MSH3: variants seen among roughly 807,000 people sequenced by gnomAD.
The protein encoded by MSH3 is mutS homolog 3.
Under a neutral mutation model 123.3 loss-of-function variants are expected in MSH3, and 106 were observed. That is an observed-to-expected ratio of 0.86 (90% CI 0.73 to 1.01). MSH3 has a LOEUF of 1.01. Among genes scored for constraint, MSH3 ranks in the 50% least tolerant of loss-of-function variants. The pLI is 0.00. For synonymous variants in MSH3, 515 were observed against 481.4 expected (o/e 1.07, Z -0.91); for missense variants, 1,459 against 1,347.6 (o/e 1.08, Z -1.29).
At position 80,762,825 on chromosome 5, in the gene MSH3, G is replaced by GTTATGTTATT. The variant is rs1554072043; in HGVS notation, c.1896+1162_1896+1171dup. 0.16 allele frequency among the ~76,000 whole-genome samples: 22,079 copies of GTTATGTTATT among 140,048 alleles called. 2,258 individuals carry two copies. Among genetic ancestry groups the GTTATGTTATT allele is most frequent in the East Asian group, 0.28 (1,307 of 4,688 alleles). The allele number at this position is 140,048 out of a possible 152,430, so 91.9% of individuals were successfully genotyped here. A position where few individuals can be genotyped will look rare whatever the true frequency, so the allele number is the denominator to read the frequency against. On this transcript the variant is annotated intron_variant, in intron 13 of 23. Transcript: ENST00000265081. ...GTTATGTTATGTTATGTTATGTTAT[G>GTTATGTTATT]TTATGTTATTTTATGTTATTTTATT...
chr5:80,825,024 T>C (rs771677710), intron 20 of MSH3, among the ~76,000 whole-genome samples: 3 of 152,176 alleles, frequency 2.0e-5, no homozygotes, highest in Non-Finnish European at 4.4e-5. Context: ...ATTTTATCCC[T>C]AGGATATAAT....
At chr5:80,776,911 A>AATATATAT (rs1300433748) in intron 16 of MSH3, among the ~76,000 whole-genome samples, 29 of 141,034 alleles carry the variant, frequency 2.1e-4, no homozygotes, top group African/African-American at 3.1e-4. Flanking sequence ...ATATAATACA[A>AATATATAT]ATATATATAT....
intron 19 of MSH3, among the ~76,000 whole-genome samples, chr5:80,798,298 G>A (rs1350526575): frequency 3.9e-5 from 6 of 152,098 alleles, no homozygotes; most frequent in South Asian, 2.1e-4. Context: ...CATTAGCTCC[G>A]CATGTGGTAT....
At chr5:80,719,049 A>ATT (rs531631510) in intron 8 of MSH3, among the ~76,000 whole-genome samples, 8 of 138,876 alleles carry the variant, frequency 5.8e-5, no homozygotes, top group South Asian at 2.3e-4. Context: ...AGGAAATGGT[A>ATT]TTTTTTTTTT....
chr5:80,699,101 C>G (rs976084780), intron 8 of MSH3, among the ~76,000 whole-genome samples: 1 of 152,092 alleles, frequency 6.6e-6, no homozygotes, highest in South Asian at 2.1e-4. Context: ...CCTAGTGACC[C>G]TTTGTGTACC....
intron 8 of MSH3, among the ~76,000 whole-genome samples, chr5:80,708,855 A>G (rs1580576847): frequency 6.6e-6 from 1 of 151,526 alleles, no homozygotes. Flanking sequence ...ATTCACTTCA[A>G]CCTCCGCCTC....
chr5:80,732,830 C>T (rs1006812429), intron 10 of MSH3, among the ~76,000 whole-genome samples: 7 of 152,176 alleles, frequency 4.6e-5, no homozygotes, highest in African/African-American at 1.7e-4. Context: ...AACACCCCTT[C>T]ATGATAAAAA....
intron 12 of MSH3, chr5:80,746,550 C>G: frequency 2.3e-6 from 1 of 435,342 alleles, no homozygotes; most frequent in Non-Finnish European, 4.6e-6. Context: ...GATCGACTTT[C>G]AGGAATTGTT....
intron 10 of MSH3, among the ~76,000 whole-genome samples, chr5:80,733,295 C>A (rs982177333): frequency 2.0e-5 from 3 of 151,992 alleles, no homozygotes; most frequent in Non-Finnish European, 4.4e-5. Flanking sequence ...TGAAGTTGGA[C>A]CCTTACTTCA....
chr5:80,670,411 T>A (rs1272750026), intron 4 of MSH3, 102 bp downstream of exon 4: 1 of 1,189,870 alleles, frequency 8.4e-7, no homozygotes, highest in African/African-American at 1.5e-5. Flanking sequence ...AAAGCTGATT[T>A]GATCAATCAC....
chr5:80,787,735 T>C (rs1229573232), intron 18 of MSH3, 63 bp downstream of exon 18: 7 of 1,085,290 alleles, frequency 6.4e-6, no homozygotes, highest in African/African-American at 1.6e-5. Flanking sequence ...ATTCAATTAA[T>C]TATAGTGTCT....
intron 15 of MSH3, among the ~76,000 whole-genome samples, chr5:80,773,756 G>C (rs926355111): frequency 2.0e-5 from 3 of 152,000 alleles, no homozygotes; most frequent in South Asian, 2.1e-4. Flanking sequence ...CATTGAATTA[G>C]TTCTTTTGTT....
chr5:80,843,809 G>A (rs74933646), intron 20 of MSH3, among the ~76,000 whole-genome samples: 21,433 of 151,784 alleles, frequency 0.14, 1,544 homozygotes, highest in East Asian at 0.24. Context: ...TTCGTTATTA[G>A]TCTTGCTAGC....
At chr5:80,786,175 A>T (rs1454381572) in intron 17 of MSH3, among the ~76,000 whole-genome samples, 1 of 149,052 alleles carries the variant, frequency 6.7e-6, no homozygotes, top group African/African-American at 2.6e-5. Context: ...AAATAAATTA[A>T]AAAAAAGTAG....
chr5:80,848,008 G>T (rs1482919713), intron 20 of MSH3, among the ~76,000 whole-genome samples: 1 of 152,190 alleles, frequency 6.6e-6, no homozygotes, highest in Non-Finnish European at 1.5e-5. Context: ...GAGGCTGGTG[G>T]ATCACTTGAG....
chr5:80,786,006 G>A (rs549193326), intron 17 of MSH3, among the ~76,000 whole-genome samples: 60 of 151,570 alleles, frequency 4.0e-4, no homozygotes, highest in South Asian at 8.4e-4. Flanking sequence ...TGGGGGGAAG[G>A]GGGGAGGGAT....
intron 8 of MSH3, among the ~76,000 whole-genome samples, chr5:80,680,575 T>TG (rs1749952647): frequency 6.7e-6 from 1 of 148,346 alleles, no homozygotes; most frequent in Non-Finnish European, 1.5e-5. Flanking sequence ...ATTCTGTGGT[T>TG]TTTTTTTTTT....
intron 19 of MSH3, among the ~76,000 whole-genome samples, chr5:80,808,871 A>ATATATATATATATATG (rs1472503784): frequency 7.8e-6 from 1 of 128,256 alleles, no homozygotes; most frequent in African/African-American, 3.1e-5. Context: ...ATATATATAT[A>ATATATATATATATATG]TATATATATA....
intron 7 of MSH3, among the ~76,000 whole-genome samples, chr5:80,677,966 T>C (rs1462404689): frequency 1.3e-5 from 2 of 152,218 alleles, no homozygotes; most frequent in African/African-American, 4.8e-5. Context: ...TTGTATCGTA[T>C]ACAAATGCCT....
Sources: allele counts gnomAD v4.1 joint callset (sites outside exome capture counted in the v4.1 genomes callset), GRCh38; gene constraint gnomAD v4.1.1; transcripts MANE v1.5; gene names NCBI Gene and HGNC (gene_info 2026-07-23, HGNC 2026-07-21).